Variants in CACNA1A observed in about 807,000 individuals in gnomAD.
CACNA1A encodes the protein calcium voltage-gated channel subunit alpha1 A.
CACNA1A carries 57 observed loss-of-function variants against 262.4 expected under a neutral mutation model. The observed-to-expected ratio is 0.22, with a 90% CI of 0.18 to 0.27. The LOEUF is 0.27. CACNA1A is among the 10% of genes least tolerant of loss of function. The probability of loss-of-function intolerance (pLI) is 1.00; values close to 1 mark genes in which losing one functional copy is unlikely to be tolerated. For missense variants in CACNA1A, 2,526 were observed against 3,562.8 expected (o/e 0.71, Z 7.41); for synonymous variants, 1,431 against 1,419.3 (o/e 1.01, Z -0.18).
rs772610003 is a variant in CACNA1A at position 13,303,753 on chromosome 19, T to A, written c.2104+14A>T. On this transcript the variant is annotated intron_variant, in intron 16 of 46. Transcript: ENST00000360228. ...GTCCAGGCCTGTCCCCTTCTCTCTC[T>A]CCATGAAGGATACAGTTCCCAAAGA... 2 of 1,593,674 alleles carry A rather than the reference T, an allele frequency of 1.3e-6. No individual in the cohort carries two copies. Among genetic ancestry groups the A allele is most frequent in the South Asian group, 2.2e-5 (2 of 90,658 alleles).
At chr19:13,221,763 G>T (rs1018159696) in intron 38 of CACNA1A, among the ~76,000 whole-genome samples, 2 of 152,012 alleles carry the variant, frequency 1.3e-5, no homozygotes, top group Non-Finnish European at 2.9e-5. Context: ...TCCTGAAGCC[G>T]CCCTTTTAAA....
chr19:13,286,725 C>A lies in CACNA1A; in HGVS notation c.3331G>T (p.Ala1111Ser), dbSNP rs1215692574. 1.9e-6 allele frequency: 3 copies of A among 1,596,938 alleles called. No individual in the cohort carries two copies. The highest frequency in any genetic ancestry group is 2.6e-6 in the Non-Finnish European group (3 of 1,170,644). The stretch of plus-strand genomic sequence containing the variant: ...GCGTTCTGGGGGTTGGTGGCCATGG[C>A]AGGGATGGCCAGCATGGGGCCGGGG... The part of the protein sequence containing the change: ...TDPGPMLAIP[A>S]MATNPQNAAS... The change falls in exon 20 of 47, where the codon GCC becomes TCC. Residue 1111 changes from alanine to serine, a missense_variant. Around this residue, in one of 17 missense-constraint regions of CACNA1A, gnomAD observed 765 missense variants for 748.6 expected, o/e 1.02. Coordinates refer to ENST00000360228, the MANE Select transcript of CACNA1A (RefSeq NM_001127222.2).
intron 1 of CACNA1A, among the ~76,000 whole-genome samples, chr19:13,478,565 C>T (rs937330330): frequency 5.3e-5 from 8 of 152,176 alleles, no homozygotes; most frequent in African/African-American, 1.9e-4. Flanking sequence ...GATCCTCCTA[C>T]CTCGGCTTCC....
chr19:13,232,272 C>G (rs2144632137), intron 34 of CACNA1A, among the ~76,000 whole-genome samples: 1 of 151,308 alleles, frequency 6.6e-6, no homozygotes, highest in East Asian at 2.0e-4. Context: ...TCACTGCTCA[C>G]TGCAGCCTCA....
At chr19:13,342,445 T>C (rs999304032) in intron 6 of CACNA1A, among the ~76,000 whole-genome samples, 3 of 152,150 alleles carry the variant, frequency 2.0e-5, no homozygotes, top group Admixed American at 2.0e-4. Flanking sequence ...TTTGTTAAAT[T>C]CATTAATATT....
chr19:13,348,949 A>AGTGAGCC (rs1280844939), intron 6 of CACNA1A, among the ~76,000 whole-genome samples: 1 of 140,206 alleles, frequency 7.1e-6, no homozygotes, highest in Non-Finnish European at 1.5e-5. Context: ...TGGAGGTTGT[A>AGTGAGCC]GTGAGCCGAG....
At chr19:13,348,461 G>A (rs1452708929) in intron 6 of CACNA1A, among the ~76,000 whole-genome samples, 1 of 152,128 alleles carries the variant, frequency 6.6e-6, no homozygotes, top group African/African-American at 2.4e-5. Flanking sequence ...CCAGCACTTT[G>A]GGAGGCCAAG....
Position 13,287,935 on chromosome 19 carries a change from G to A in CACNA1A, c.3090-969C>T, listed in dbSNP as rs140348086. Among the ~76,000 whole-genome samples, 516 of 151,580 alleles carry A rather than the reference G, an allele frequency of 3.4e-3. 4 individuals are homozygous for A. Among genetic ancestry groups the A allele is most frequent in the Admixed American group, 8.3e-3 (126 of 15,180 alleles). ...CTCCCATCTCAGCCTCCAGGTAGCT[G>A]AGGCTACAGGCTCACGCCACCATGT... On this transcript the variant is annotated intron_variant, in intron 19 of 46. Transcript: ENST00000360228.
intron 24 of CACNA1A, among the ~76,000 whole-genome samples, chr19:13,268,874 T>A (rs967300904): frequency 6.7e-6 from 1 of 148,300 alleles, no homozygotes; most frequent in African/African-American, 2.5e-5. Flanking sequence ...ATTGCATACG[T>A]AGAATCATAT....
intron 3 of CACNA1A, among the ~76,000 whole-genome samples, chr19:13,387,593 G>A (rs748747372): frequency 3.9e-5 from 6 of 152,158 alleles, no homozygotes; most frequent in Non-Finnish European, 8.8e-5. Context: ...ACTAGCCTGA[G>A]CATGGGAAGG....
intron 36 of CACNA1A, among the ~76,000 whole-genome samples, chr19:13,228,080 A>AT (rs946849282): frequency 1.1e-4 from 17 of 151,456 alleles, no homozygotes; most frequent in Non-Finnish European, 2.2e-4. Flanking sequence ...TGCCTGGCTA[A>AT]TTTTTTATAG....
intron 15 of CACNA1A, among the ~76,000 whole-genome samples, chr19:13,305,806 A>T (rs1486334566): frequency 3.9e-5 from 6 of 152,166 alleles, no homozygotes; most frequent in African/African-American, 1.4e-4. Context: ...TCATGCCTGT[A>T]ATCCCAGCAC....
Position 13,286,768 on chromosome 19 carries a change from C to T in CACNA1A, c.3288G>A (p.Lys1096=), listed in dbSNP as rs1555752995. 6.2e-7 allele frequency: 1 copy of T among 1,611,688 alleles called. No homozygotes were observed. The highest frequency in any genetic ancestry group is 1.3e-5 in the African/African-American group (1 of 74,978). ...GHAGLPQSPA[K]MGNSTDPGPM... ...GGCCGGGGTCGGTGCTGTTTCCCATCTTGGCTGGGCTCTGGGGCAGGCCGG... is the reference window on the plus strand; with the variant it reads ...GGCCGGGGTCGGTGCTGTTTCCCATTTTGGCTGGGCTCTGGGGCAGGCCGG... Residue 1096 remains lysine, a synonymous_variant, in exon 20 of 47, where the codon AAG becomes AAA. Transcript: ENST00000360228.
intron 3 of CACNA1A, among the ~76,000 whole-genome samples, chr19:13,440,227 G>A (rs1190902916): frequency 6.6e-6 from 1 of 152,228 alleles, no homozygotes; most frequent in African/African-American, 2.4e-5. Flanking sequence ...GCGTCCCAAA[G>A]TGCTGGGATT....
intron 10 of CACNA1A, among the ~76,000 whole-genome samples, chr19:13,325,733 G>A (rs1325179921): frequency 6.6e-6 from 1 of 152,120 alleles, no homozygotes; most frequent in Non-Finnish European, 1.5e-5. Flanking sequence ...CAGCCATACT[G>A]TTATTTTTCT....
chr19:13,241,567 G>T lies in CACNA1A; in HGVS notation c.4950+3615C>A. 4 of 1,074,950 alleles carry T rather than the reference G, an allele frequency of 3.7e-6. No homozygotes were observed. The highest frequency in any genetic ancestry group is 2.7e-5 in the South Asian group (2 of 74,822). The allele number at this position is 1,074,950 out of a possible 1,614,324, so 66.6% of individuals were successfully genotyped here. A position where few individuals can be genotyped will look rare whatever the true frequency, so the allele number is the denominator to read the frequency against. ...GAAGATGAGGGGGAGCGGGCGGGCG[G>T]GGGCAGTTGGGGAGGCGTGTTCAGC... is the stretch of plus-strand genomic sequence containing the variant. On this transcript the variant is annotated intron_variant, in intron 31 of 46. Transcript: ENST00000360228. The surrounding 1 kb of genome is among the most constrained non-coding windows in gnomAD (Gnocchi z 4.0).
intron 3 of CACNA1A, among the ~76,000 whole-genome samples, chr19:13,408,621 C>T (rs987912057): frequency 6.6e-6 from 1 of 152,190 alleles, no homozygotes; most frequent in Non-Finnish European, 1.5e-5. Flanking sequence ...GAGAACTGGT[C>T]TACCCATTGC....
chr19:13,414,758 G>C (rs371436493), intron 3 of CACNA1A, among the ~76,000 whole-genome samples: 1 of 152,016 alleles, frequency 6.6e-6, no homozygotes, highest in East Asian at 1.9e-4. Context: ...AGGAGTTAGA[G>C]ACCAGCCTGG....
intron 19 of CACNA1A, among the ~76,000 whole-genome samples, chr19:13,287,846 A>G (rs927756798): frequency 1.4e-5 from 2 of 141,862 alleles, no homozygotes; most frequent in Non-Finnish European, 3.0e-5. Flanking sequence ...TCTGTTGCCC[A>G]GGCTGGAGAG....
Sources: gnomAD v4.1 joint callset for allele counts (sites outside exome capture counted in the v4.1 genomes callset) on GRCh38, gnomAD v4.1.1 for gene constraint, gnomAD v4.1.1 regional missense constraint, Gnocchi (gnomAD v3.1) non-coding constraint, MANE v1.5 for transcripts, NCBI Gene and HGNC (gene_info 2026-07-23, HGNC 2026-07-21) for gene names.